Variants in CASK observed in about 807,000 individuals in gnomAD.
CASK encodes calcium/calmodulin dependent serine protein kinase.
CASK carries 4 observed loss-of-function variants against 82.9 expected under a neutral mutation model. The ratio of observed to expected loss-of-function variants is 0.05; its 90% CI spans 0.02 to 0.11. CASK has a LOEUF of 0.11. Ranked by LOEUF, CASK falls within the 10% of genes least tolerant of loss-of-function variation. CASK has a pLI of 1.00. For missense variants in CASK, 358 were observed against 720.9 expected (o/e 0.50, Z 5.76); for synonymous variants, 259 against 253.5 (o/e 1.02, Z -0.20).
intron 3 of CASK, chrX:41,786,851 A>C (rs1359531088): frequency 4.3e-6 from 1 of 231,834 alleles, no homozygotes; most frequent in African/African-American, 2.9e-5. Flanking sequence ...GGATGCCTCC[A>C]CTTTCATCCT....
At chrX:41,662,685 C>A (rs1423089558) in intron 7 of CASK, among the ~76,000 whole-genome samples, 1 of 109,848 alleles carries the variant, frequency 9.1e-6, no homozygotes, top group Non-Finnish European at 1.9e-5. Context: ...CCCAGCTACT[C>A]GGGAGGCTGA....
intron 2 of CASK, among the ~76,000 whole-genome samples, chrX:41,814,695 C>G (rs1162425235): frequency 9.2e-6 from 1 of 109,184 alleles, no homozygotes; most frequent in Non-Finnish European, 1.9e-5. Flanking sequence ...ACATATGTTA[C>G]AAACCTGCAC....
At chrX:41,591,938 C>T (rs754865152) in intron 12 of CASK, among the ~76,000 whole-genome samples, 2 of 110,841 alleles carry the variant, frequency 1.8e-5, no homozygotes, top group Non-Finnish European at 3.8e-5. Context: ...TAAGTGAATA[C>T]ATAAAAATAT....
chrX:41,550,936 G>A (rs1037799604), intron 21 of CASK, among the ~76,000 whole-genome samples: 3 of 110,910 alleles, frequency 2.7e-5, no homozygotes, highest in African/African-American at 9.8e-5. Flanking sequence ...AACTTCGTAA[G>A]CTTATTTTTA....
chrX:41,536,791 T>C (rs2064880069), intron 22 of CASK, among the ~76,000 whole-genome samples: 1 of 111,608 alleles, frequency 9.0e-6, no homozygotes, highest in East Asian at 2.8e-4. Flanking sequence ...AAAATTAAAA[T>C]GAACATGAGG....
In CASK at chrX:41,865,264, A is replaced by T. The variant is rs572557482; in HGVS notation, c.60-12037T>A. On this transcript the variant is annotated intron_variant, in intron 1 of 26. Transcript: ENST00000378163. ...AAAGGGCAATCAGATCCCCCAAAACATCTGAGTGAACTGAGCTTTCTAATC... is the reference window on the plus strand; with the variant it reads ...AAAGGGCAATCAGATCCCCCAAAACTTCTGAGTGAACTGAGCTTTCTAATC... Among the ~76,000 whole-genome samples, 35 of 111,986 alleles carry T rather than the reference A, an allele frequency of 3.1e-4. 1 individual carries two copies. The South Asian group carries it at 0.013, about 42-fold the overall frequency.
chrX:41,677,467 G>C (rs768781815), intron 5 of CASK, among the ~76,000 whole-genome samples: 2 of 111,842 alleles, frequency 1.8e-5, no homozygotes, highest in Non-Finnish European at 3.8e-5. Flanking sequence ...TTTTCAAGTA[G>C]GAATGATTAG....
chrX:41,768,602 A>G (rs778601465), intron 3 of CASK, among the ~76,000 whole-genome samples: 1 of 111,701 alleles, frequency 9.0e-6, no homozygotes, highest in African/African-American at 3.2e-5. Context: ...AAAAATCAAC[A>G]AGCAAAATAA....
chrX:41,791,152 A>AT (rs766067410), intron 2 of CASK, among the ~76,000 whole-genome samples: 1 of 109,422 alleles, frequency 9.1e-6, no homozygotes, highest in South Asian at 3.9e-4. Flanking sequence ...TAATGAGTAC[A>AT]TTTTTTATTT....
At position 41,727,982 on chromosome X, in the gene CASK, C is replaced by T. The variant is rs772194674; in HGVS notation, c.429+11402G>A. The T allele has an allele frequency of 1.1e-5, 13 of 1,154,522 alleles. No individual in the cohort carries two copies. In the South Asian group the frequency reaches 2.5e-4, roughly 22 times the overall value. ...TTATTAGATAAAACATTCAAGAAGA[C>T]ACTATATAATCTCTTTACAAAGTCT... On this transcript the variant is annotated intron_variant, in intron 5 of 26. Coordinates refer to ENST00000378163, the MANE Select transcript of CASK (RefSeq NM_001367721.1).
chrX:41,732,223 C>T (rs1252109546), intron 5 of CASK, among the ~76,000 whole-genome samples: 1 of 111,520 alleles, frequency 9.0e-6, no homozygotes, highest in Non-Finnish European at 1.9e-5. Flanking sequence ...AAGATTTTAT[C>T]TTAAACTGTA....
At chrX:41,798,091 T>C (rs1045798994) in intron 2 of CASK, among the ~76,000 whole-genome samples, 1 of 112,479 alleles carries the variant, frequency 8.9e-6, no homozygotes, top group African/African-American at 3.2e-5. Flanking sequence ...TTGGAAAGAA[T>C]ATTTAAGATT....
At position 41,578,284 on chromosome X, in the gene CASK, A is replaced by G. The variant is rs2065512376; in HGVS notation, c.1503+56T>C. ...TAGTAGCATAGGTTGAAGTTAGTTG[A>G]TATAACTCATGCTGGGATCTTATGA... On this transcript the variant is annotated intron_variant, in intron 15 of 26. Coordinates refer to ENST00000378163, the MANE Select transcript of CASK (RefSeq NM_001367721.1). The G allele has an allele frequency of 3.4e-5, 30 of 892,132 alleles. No homozygotes were observed. The South Asian group carries it at 5.8e-4, about 17-fold the overall frequency. The allele number at this position is 892,132 out of a possible 1,213,427, so 73.5% of individuals were successfully genotyped here.
rs748014087 is a variant in CASK, at chrX:41,609,888, A to G, written c.1155+16T>C. ...CAATTCACCAAAAAAGAAGAATAAT[A>G]AAAAGACAGACTTACATCTAGTAGT... On this transcript the variant is annotated intron_variant, in intron 12 of 26. Transcript: ENST00000378163. 11 of 1,208,343 alleles carry G rather than the reference A, an allele frequency of 9.1e-6. 1 individual carries two copies. In the South Asian group the frequency reaches 1.9e-4, roughly 21 times the overall value.
chrX:41,636,657 C>T lies in CASK; in HGVS notation c.836G>A (p.Arg279Gln), dbSNP rs2066559589. The T allele has an allele frequency of 1.7e-6, 2 of 1,158,705 alleles. No homozygotes were observed. Among genetic ancestry groups the T allele is most frequent in the Non-Finnish European group, 2.4e-6 (2 of 847,544 alleles). The change falls in exon 9 of 27, where the codon CGG becomes CAG. Residue 279 changes from arginine (R) to glutamine (Q), a missense_variant. Physicochemically the swap from Arg to Gln is conservative, Grantham distance 43. Around this residue, in one of 5 missense-constraint regions of CASK, gnomAD observed 70 missense variants for 228.4 expected, o/e 0.31. Transcript: ENST00000378163. ...EALNHPWLKE[R>Q]DRYAYKIHLP... ...ATGAATCTTGTAGGCGTAACGATCC[C>T]GCTCCTATGTAAGATGAAAGATAAT... is the stretch of plus-strand genomic sequence containing the variant.
Position 41,560,594 on chromosome X carries a change from T to A in CASK, c.1669-747A>T, listed in dbSNP as rs766516026. ...TTGCTTATTAATTTTGGCTTTTTTT[T>A]AAAAAAAAATTTTGGGCTGGGAGTG... On this transcript the variant is annotated intron_variant, in intron 17 of 26. Transcript: ENST00000378163. 1.2e-3 allele frequency among the ~76,000 whole-genome samples: 124 copies of A among 105,548 alleles called. 1 individual carries two copies. Among genetic ancestry groups the A allele is most frequent in the Admixed American group, 3.2e-3 (31 of 9,775 alleles). 91.7% of individuals were successfully genotyped at this position (105,548 alleles called of 115,157 possible).
At chrX:41,688,628 A>G (rs1275947723) in intron 5 of CASK, among the ~76,000 whole-genome samples, 1 of 111,998 alleles carries the variant, frequency 8.9e-6, no homozygotes, top group African/African-American at 3.2e-5. Context: ...TAAGAAACAG[A>G]AATTCAGTGC....
intron 5 of CASK, among the ~76,000 whole-genome samples, chrX:41,711,405 G>C (rs2067975350): frequency 8.9e-6 from 1 of 111,841 alleles, no homozygotes; most frequent in Admixed American, 9.5e-5. Flanking sequence ...ATTGGTTTCA[G>C]TGAGGTAGGG....
At chrX:41,893,624 C>T (rs2072216740) in intron 1 of CASK, among the ~76,000 whole-genome samples, 1 of 112,129 alleles carries the variant, frequency 8.9e-6, no homozygotes, top group Non-Finnish European at 1.9e-5. Context: ...GACTTTTAAA[C>T]TGCCTGAACT....
Sources: gnomAD v4.1 joint callset for allele counts (sites outside exome capture counted in the v4.1 genomes callset) on GRCh38, gnomAD v4.1.1 for gene constraint, gnomAD v4.1.1 regional missense constraint, MANE v1.5 for transcripts, NCBI Gene and HGNC (gene_info 2026-07-23, HGNC 2026-07-21) for gene names.